TDRD9: variants seen among roughly 807,000 people sequenced by gnomAD.
TDRD9 encodes the protein tudor domain containing 9, also known as ATP-dependent RNA helicase TDRD9.
A neutral mutation model predicts 172.6 loss-of-function variants in TDRD9; 124 were observed. That is an observed-to-expected ratio of 0.72 (90% CI 0.62 to 0.83). TDRD9 has a LOEUF of 0.83. Ranked by LOEUF, TDRD9 falls within the 40% of genes least tolerant of loss-of-function variation. The pLI, the probability that TDRD9 is intolerant of heterozygous loss-of-function variation, is 0.00. For synonymous variants in TDRD9, 619 were observed against 617.1 expected (o/e 1.00, Z -0.05); for missense variants, 1,479 against 1,714.1 (o/e 0.86, Z 2.42).
At chr14:103,939,764 T>TTTTTTTTTTTTTTTA (rs61621268) in intron 1 of TDRD9, 1 of 133,076 alleles carries the variant, frequency 7.5e-6, no homozygotes, top group Non-Finnish European at 1.6e-5. Flanking sequence ...TTTTTTTTTT[T>TTTTTTTTTTTTTTTA]GAGACAAGGT....
At chr14:104,009,911 A>G (rs1459015713) in intron 20 of TDRD9, among the ~76,000 whole-genome samples, 5 of 150,768 alleles carry the variant, frequency 3.3e-5, no homozygotes, top group African/African-American at 1.2e-4. Flanking sequence ...AACTACAGGC[A>G]TATGTCACCA....
chr14:103,973,309 C>T (rs2033110187), intron 6 of TDRD9, among the ~76,000 whole-genome samples: 1 of 152,140 alleles, frequency 6.6e-6, no homozygotes, highest in Admixed American at 6.5e-5. Flanking sequence ...AAAGAGAGTG[C>T]CGCTGTCAAG....
At chr14:104,042,222 CCAGT>C in intron 34 of TDRD9, 35 bp downstream of exon 34, 1 of 1,421,852 alleles carries the variant, frequency 7.0e-7, no homozygotes, top group Non-Finnish European at 9.9e-7. Context: ...TCTTTTCTTC[CCAGT>C]CAACTTTCTC....
At chr14:103,966,911 G>C in intron 5 of TDRD9, 80 bp downstream of exon 5, 1 of 1,270,278 alleles carries the variant, frequency 7.9e-7, no homozygotes, top group Non-Finnish European at 1.0e-6. Flanking sequence ...CCCTGTCTTT[G>C]TGCCTGTCTC....
At chr14:104,042,519 T>G (rs2035639661) in intron 34 of TDRD9, among the ~76,000 whole-genome samples, 1 of 152,140 alleles carries the variant, frequency 6.6e-6, no homozygotes, top group Non-Finnish European at 1.5e-5. Context: ...CTTACAGAGC[T>G]GGGCCTCTCT....
intron 9 of TDRD9, among the ~76,000 whole-genome samples, chr14:103,994,109 A>G (rs541380252): frequency 2.0e-5 from 3 of 152,378 alleles, no homozygotes; most frequent in African/African-American, 4.8e-5. Context: ...GTGTAAAGGA[A>G]AACTGGAATA....
At chr14:103,963,679 C>CTACTGT (rs2032611481) in intron 3 of TDRD9, among the ~76,000 whole-genome samples, 1 of 152,146 alleles carries the variant, frequency 6.6e-6, no homozygotes, top group Non-Finnish European at 1.5e-5. Flanking sequence ...GATTAAGTTC[C>CTACTGT]TAATTACTTG....
In TDRD9 at chr14:104,040,177, C is replaced by G. The variant is rs886081742; in HGVS notation, c.3717-19C>G. 4 of 1,441,798 alleles carry G rather than the reference C, an allele frequency of 2.8e-6. No individual in the cohort carries two copies. In the African/African-American group the frequency reaches 4.3e-5, roughly 15 times the overall value. The allele number at this position is 1,441,798 out of a possible 1,614,324, so 89.3% of individuals were successfully genotyped here. A position where few individuals can be genotyped will look rare whatever the true frequency, so the allele number is the denominator to read the frequency against. On this transcript the variant is annotated intron_variant, in intron 32 of 35. Coordinates refer to ENST00000409874, the MANE Select transcript of TDRD9 (RefSeq NM_153046.3). The stretch of plus-strand genomic sequence containing the variant: ...AACAATTCTGAAATAATGGACTCTT[C>G]TGAAAACATTCCATTTAGGATTGAT...
At chr14:103,939,244 A>G (rs1034372392) in intron 1 of TDRD9, among the ~76,000 whole-genome samples, 1 of 152,174 alleles carries the variant, frequency 6.6e-6, no homozygotes, top group African/African-American at 2.4e-5. Flanking sequence ...CCTGGTATGT[A>G]TGGTGGGATG....
Position 103,986,241 on chromosome 14 carries a change from C to T in TDRD9, c.1036C>T (p.Pro346Ser). Reference sequence around the variant, plus strand: ...GCTCTCTCCTCATCTCCTGGAGGAACCGGTGATAACTAAGGATATATATGA... The same window carrying T: ...GCTCTCTCCTCATCTCCTGGAGGAATCGGTGATAACTAAGGATATATATGA... ...SKLSPHLLEE[P>S]VITKDIYEVA... Residue 346 changes from proline to serine, a missense_variant, in exon 8 of 36, where the codon CCG becomes TCG. Pro to Ser is a moderately conservative substitution (Grantham distance 74, BLOSUM62 -1). Coordinates refer to ENST00000409874, the MANE Select transcript of TDRD9 (RefSeq NM_153046.3). 1 of 1,612,942 alleles carries T rather than the reference C, an allele frequency of 6.2e-7. No individual in the cohort carries two copies. Among genetic ancestry groups the T allele is most frequent in the South Asian group, 1.1e-5 (1 of 90,796 alleles).
chr14:103,936,744 A>G (rs193025671), intron 1 of TDRD9, among the ~76,000 whole-genome samples: 2 of 152,316 alleles, frequency 1.3e-5, no homozygotes, highest in East Asian at 1.9e-4. Context: ...CTTACTCCCC[A>G]GTAATCTAGC....
intron 11 of TDRD9, among the ~76,000 whole-genome samples, chr14:103,994,934 G>T (rs983283021): frequency 1.4e-5 from 2 of 140,330 alleles, no homozygotes; most frequent in Non-Finnish European, 3.1e-5. Flanking sequence ...CTGGGTGACA[G>T]AACAAGACTG....
intron 7 of TDRD9, among the ~76,000 whole-genome samples, chr14:103,985,446 C>T (rs1228859851): frequency 6.6e-6 from 1 of 152,194 alleles, no homozygotes; most frequent in East Asian, 1.9e-4. Flanking sequence ...GAGGCTTCCC[C>T]AGCCATGTGG....
At chr14:103,988,415 G>A (rs750905310) in intron 8 of TDRD9, among the ~76,000 whole-genome samples, 4 of 152,128 alleles carry the variant, frequency 2.6e-5, no homozygotes, top group African/African-American at 4.8e-5. Context: ...CTCGTGATGC[G>A]CCCGCCTCGG....
chr14:104,025,537 A>T, intron 25 of TDRD9, 27 bp from the exon 26 acceptor site: 1 of 1,599,356 alleles, frequency 6.3e-7, no homozygotes, highest in Non-Finnish European at 8.6e-7. Context: ...TCTAGATTTC[A>T]TCTCTTCTCC....
At chr14:103,973,586 T>C (rs908229272) in intron 6 of TDRD9, among the ~76,000 whole-genome samples, 1 of 152,242 alleles carries the variant, frequency 6.6e-6, no homozygotes, top group African/African-American at 2.4e-5. Context: ...TGAGGGAGGC[T>C]GGTGGCCAGG....
intron 9 of TDRD9, 32 bp from the exon 10 acceptor site, chr14:103,994,284 GTAAATACAAACATGTT>G (rs754921093): frequency 6.5e-7 from 1 of 1,549,148 alleles, no homozygotes; most frequent in South Asian, 1.1e-5. Flanking sequence ...GTTTCTAGCA[GTAAATACAAACATGTT>G]TATTTCCCTC....
intron 15 of TDRD9, 147 bp from the exon 16 acceptor site, chr14:104,006,242 T>G (rs2034433938): frequency 1.6e-6 from 1 of 635,858 alleles, no homozygotes. Context: ...AAGTTTTTTT[T>G]GGTAACATAT....
chr14:104,024,337 G>T (rs1245386502), intron 24 of TDRD9, among the ~76,000 whole-genome samples: 1 of 152,040 alleles, frequency 6.6e-6, no homozygotes, highest in Non-Finnish European at 1.5e-5. Flanking sequence ...ATACTACTTG[G>T]AGGGTAGTAT....
Sources: allele counts gnomAD v4.1 joint callset (sites outside exome capture counted in the v4.1 genomes callset), GRCh38; gene constraint gnomAD v4.1.1; transcripts MANE v1.5; gene names NCBI Gene and HGNC (gene_info 2026-07-23, HGNC 2026-07-21).